The following SOX5 variants were observed in gnomAD, a reference collection of about 807,000 sequenced individuals.
SOX5 encodes the protein SRY-box transcription factor 5, also known as transcription factor SOX-5.
A neutral mutation model predicts 92.0 loss-of-function variants in SOX5; 9 were observed. The observed-to-expected ratio is 0.10, with a 90% CI of 0.06 to 0.17. The LOEUF (loss-of-function observed/expected upper bound fraction) is 0.17, where lower values mean the gene tolerates loss of function less well. Among genes scored for constraint, SOX5 ranks in the 10% least tolerant of loss-of-function variants. The probability of loss-of-function intolerance (pLI) is 1.00; values close to 1 mark genes in which losing one functional copy is unlikely to be tolerated. For missense variants in SOX5, 642 were observed against 944.5 expected (o/e 0.68, Z 4.20); for synonymous variants, 344 against 336.3 (o/e 1.02, Z -0.25).
chr12:24,269,033 G>A (rs1410459504), intron 3 of SOX5, among the ~76,000 whole-genome samples: 1 of 152,180 alleles, frequency 6.6e-6, no homozygotes, highest in East Asian at 1.9e-4. Flanking sequence ...AGTGAACCCT[G>A]TCGGGATAAA....
intron 4 of SOX5, among the ~76,000 whole-genome samples, chr12:23,993,638 C>A (rs1028327913): frequency 5.9e-5 from 9 of 152,094 alleles, no homozygotes; most frequent in African/African-American, 2.2e-4. Context: ...ATGAGAAAGA[C>A]TTTTTCAGGA....
chr12:23,855,952 G>C (rs1012707211), intron 2 of SOX5, among the ~76,000 whole-genome samples: 3 of 152,096 alleles, frequency 2.0e-5, no homozygotes, highest in African/African-American at 7.2e-5. Context: ...AGAGAACTAT[G>C]TTTAGGGCAA....
In SOX5 at chr12:23,558,664, G is replaced by A. The variant is rs1333402292; in HGVS notation, c.1488+4594C>T. Among the ~76,000 whole-genome samples the A allele has an allele frequency of 5.9e-5, 9 of 152,182 alleles. No homozygotes were observed. In the South Asian group the frequency reaches 1.2e-3, roughly 21 times the overall value. On this transcript the variant is annotated intron_variant, in intron 11 of 14. Coordinates refer to ENST00000451604, the MANE Select transcript of SOX5 (RefSeq NM_006940.6). ...GTCGCCCAGGCTGGAGTGCAATGGCGTGATCCTGGCTCACCGCAACCTCTG... is the reference window on the plus strand; with the variant it reads ...GTCGCCCAGGCTGGAGTGCAATGGCATGATCCTGGCTCACCGCAACCTCTG...
intron 1 of SOX5, among the ~76,000 whole-genome samples, chr12:24,520,610 A>T (rs1214126602): frequency 2.6e-5 from 4 of 152,322 alleles, no homozygotes; most frequent in Non-Finnish European, 4.4e-5. Flanking sequence ...GCAGAAAATA[A>T]CTAACAAAAT....
chr12:24,485,037 C>T (rs913391010), intron 1 of SOX5, among the ~76,000 whole-genome samples: 3 of 152,152 alleles, frequency 2.0e-5, no homozygotes, highest in South Asian at 2.1e-4. Flanking sequence ...TTACAAGGTT[C>T]GGACAGATGG....
intron 10 of SOX5, among the ~76,000 whole-genome samples, chr12:23,569,046 T>C (rs1170724959): frequency 1.3e-5 from 2 of 151,852 alleles, no homozygotes; most frequent in Non-Finnish European, 2.9e-5. Flanking sequence ...AAAAAATTAG[T>C]GGAGCATGGT....
At chr12:24,557,359 G>A (rs1013889739) in intron 1 of SOX5, among the ~76,000 whole-genome samples, 2 of 143,154 alleles carry the variant, frequency 1.4e-5, no homozygotes, top group African/African-American at 5.2e-5. Context: ...CCAACATAGC[G>A]CCACTGCACT....
At chr12:23,946,453 A>C (rs1045637954) in intron 1 of SOX5, among the ~76,000 whole-genome samples, 1 of 152,026 alleles carries the variant, frequency 6.6e-6, no homozygotes, top group African/African-American at 2.4e-5. Flanking sequence ...GAATATTGAG[A>C]AACTATCAAA....
chr12:24,440,125 G>T lies in SOX5; in HGVS notation c.-250-71486C>A, dbSNP rs549655887. Among the ~76,000 whole-genome samples the T allele has an allele frequency of 2.5e-3, 377 of 152,246 alleles. 2 individuals are homozygous for T. The highest frequency in any genetic ancestry group is 4.5e-3 in the Non-Finnish European group (305 of 68,012). The stretch of plus-strand genomic sequence containing the variant: ...AAGGGGGAGAAGTAAGATAGGAGAG[G>T]TCTTCCTTGGCTGGGACTTATGTCC... On this transcript the variant is annotated intron_variant, in intron 1 of 4. Transcript: ENST00000446891.
At chr12:24,171,053 G>A (rs575106540) in intron 4 of SOX5, among the ~76,000 whole-genome samples, 1 of 151,750 alleles carries the variant, frequency 6.6e-6, no homozygotes, top group South Asian at 2.1e-4. Flanking sequence ...GTTAAACTAG[G>A]TGCTGTAGCA....
chr12:24,043,067 C>T (rs922303523), intron 4 of SOX5, among the ~76,000 whole-genome samples: 3 of 152,208 alleles, frequency 2.0e-5, no homozygotes, highest in Admixed American at 2.0e-4. Flanking sequence ...CCCATCAAAG[C>T]CTGAGCCAAT....
At chr12:24,154,491 G>C (rs1274073394) in intron 4 of SOX5, among the ~76,000 whole-genome samples, 1 of 152,074 alleles carries the variant, frequency 6.6e-6, no homozygotes, top group Non-Finnish European at 1.5e-5. Flanking sequence ...CTAAAAGTCT[G>C]GCTCATACCA....
intron 1 of SOX5, among the ~76,000 whole-genome samples, chr12:24,379,055 C>T (rs975844293): frequency 9.2e-5 from 14 of 152,204 alleles, no homozygotes; most frequent in Non-Finnish European, 1.6e-4. Flanking sequence ...CATTGGAACA[C>T]GGCTCCACAA....
intron 3 of SOX5, among the ~76,000 whole-genome samples, chr12:24,266,534 G>C (rs539017623): frequency 1.9e-4 from 29 of 152,274 alleles, no homozygotes; most frequent in African/African-American, 6.7e-4. Context: ...AATTTGCTAA[G>C]TGAACTATGA....
At chr12:23,793,314 ACT>A (rs2095508886) in intron 3 of SOX5, among the ~76,000 whole-genome samples, 2 of 152,168 alleles carry the variant, frequency 1.3e-5, no homozygotes, top group African/African-American at 4.8e-5. Context: ...GGTGACATAC[ACT>A]CTGCTAGGCC....
chr12:24,345,652 TTGA>T (rs1189537168), intron 2 of SOX5, among the ~76,000 whole-genome samples: 1 of 152,208 alleles, frequency 6.6e-6, no homozygotes, highest in African/African-American at 2.4e-5. Context: ...AAAATTAATA[TTGA>T]TAATTTTGAA....
At chr12:23,570,930 AATATATATATATATAT>A (rs1164831816) in intron 10 of SOX5, among the ~76,000 whole-genome samples, 494 of 19,438 alleles carry the variant, frequency 0.025, 6 homozygotes, top group African/African-American at 0.042. Flanking sequence ...AAAAAAAAAA[AATATATATATATATAT>A]ATATATATAT....
intron 10 of SOX5, among the ~76,000 whole-genome samples, chr12:23,566,159 C>T (rs7953464): frequency 0.92 from 139,326 of 152,210 alleles, 65,055 homozygotes; most frequent in East Asian, 1. Flanking sequence ...TAATTGTCTC[C>T]ACCATCTCTA....
chr12:23,634,708 C>T (rs2078995165), intron 8 of SOX5, among the ~76,000 whole-genome samples: 1 of 152,152 alleles, frequency 6.6e-6, no homozygotes, highest in Non-Finnish European at 1.5e-5. Context: ...AAAATTTCAA[C>T]ATTATCTTAA....
Sources: gnomAD v4.1 joint callset for allele counts (sites outside exome capture counted in the v4.1 genomes callset) on GRCh38, gnomAD v4.1.1 for gene constraint, MANE v1.5 for transcripts, NCBI Gene and HGNC (gene_info 2026-07-23, HGNC 2026-07-21) for gene names.